The following MBNL3 variants were observed in gnomAD, a reference collection of about 807,000 sequenced individuals.
MBNL3 encodes the protein muscleblind like splicing regulator 3.
In MBNL3, 6 loss-of-function variants were observed where a neutral mutation model predicts 24.5. The observed-to-expected ratio is 0.25, with a 90% confidence interval of 0.13 to 0.48. The LOEUF (loss-of-function observed/expected upper bound fraction) is 0.48. MBNL3 is among the 20% of genes least tolerant of loss of function. The probability of loss-of-function intolerance (pLI) is 0.99; values close to 1 mark genes in which losing one functional copy is unlikely to be tolerated. For synonymous variants in MBNL3, 100 were observed against 101.7 expected (o/e 0.98, Z 0.10); for missense variants, 230 against 293.5 (o/e 0.78, Z 1.58).
At chrX:132,433,228 A>G (rs1371735295) in intron 2 of MBNL3, among the ~76,000 whole-genome samples, 1 of 111,935 alleles carries the variant, frequency 8.9e-6, no homozygotes, top group African/African-American at 3.3e-5. Context: ...GGCAACTGTA[A>G]TGCAGGACCC....
intron 1 of MBNL3, among the ~76,000 whole-genome samples, chrX:132,487,890 A>G: frequency 8.9e-6 from 1 of 112,161 alleles, no homozygotes; most frequent in Non-Finnish European, 1.9e-5. Context: ...AATTGTATCA[A>G]GCATGGATGT....
intron 2 of MBNL3, among the ~76,000 whole-genome samples, chrX:132,433,919 C>T (rs1377691686): frequency 8.9e-6 from 1 of 112,117 alleles, no homozygotes; most frequent in Non-Finnish European, 1.9e-5. Flanking sequence ...TCTTCACTGT[C>T]CCCTCATCTC....
In MBNL3 at chrX:132,378,895, CTT is replaced by C. The variant is rs1934392521; in HGVS notation, c.*769_*770del. 8.9e-6 allele frequency: 1 copy of C among 112,127 alleles called. No individual in the cohort carries two copies. The highest frequency in any genetic ancestry group is 3.2e-5 in the African/African-American group (1 of 30,888). 9.2% of individuals were successfully genotyped at this position (112,127 alleles called of 1,213,427 possible). ...GCTTTGTGCAGGTAATTATTTCTCT[CTT>C]TAAAAAATCTAGTAATTTGATTGTA... On this transcript the variant is annotated 3_prime_UTR_variant, in exon 9 of 9. Coordinates refer to ENST00000370853, the MANE Select transcript of MBNL3 (RefSeq NM_001386889.1).
At chrX:132,384,854 A>G (rs1935712024) in intron 6 of MBNL3, among the ~76,000 whole-genome samples, 156 bp from the exon 7 acceptor site, 1 of 112,257 alleles carries the variant, frequency 8.9e-6, no homozygotes, top group Non-Finnish European at 1.9e-5. Flanking sequence ...ACAATTACAG[A>G]TTAGTTTTAA....
intron 3 of MBNL3, among the ~76,000 whole-genome samples, chrX:132,401,000 C>T (rs1337678237): frequency 8.9e-6 from 1 of 111,807 alleles, no homozygotes; most frequent in East Asian, 2.8e-4. Flanking sequence ...AACTAAATGC[C>T]ATCATTCATC....
intron 1 of MBNL3, among the ~76,000 whole-genome samples, chrX:132,480,885 A>C (rs2148542914): frequency 8.9e-6 from 1 of 111,848 alleles, no homozygotes; most frequent in South Asian, 3.8e-4. Flanking sequence ...ACAAAGCTGC[A>C]CGTGTGGTGG....
intron 2 of MBNL3, among the ~76,000 whole-genome samples, chrX:132,424,509 T>G (rs1944116611): frequency 9.0e-6 from 1 of 111,607 alleles, no homozygotes; most frequent in African/African-American, 3.3e-5. Context: ...GCTATTCATT[T>G]TTGCTTCAAC....
At chrX:132,469,536 C>A (rs916276188) in intron 1 of MBNL3, among the ~76,000 whole-genome samples, 2 of 111,742 alleles carry the variant, frequency 1.8e-5, no homozygotes, top group Non-Finnish European at 3.8e-5. Context: ...TCAACTGTTC[C>A]CATAAAGAAC....
intron 1 of MBNL3, among the ~76,000 whole-genome samples, chrX:132,443,755 C>T (rs1351620447): frequency 3.6e-5 from 4 of 111,483 alleles, no homozygotes; most frequent in African/African-American, 1.3e-4. Flanking sequence ...TACTCTTAAA[C>T]GCACACTCAA....
chrX:132,436,879 G>A (rs974271636), intron 2 of MBNL3, among the ~76,000 whole-genome samples: 7 of 111,832 alleles, frequency 6.3e-5, no homozygotes, highest in Non-Finnish European at 1.3e-4. Context: ...GAGAATGTAA[G>A]GATTATGTAA....
Position 132,375,843 on chromosome X carries a change from C to T in MBNL3, c.*3823G>A, listed in dbSNP as rs888618220. On this transcript the variant is annotated 3_prime_UTR_variant, in exon 9 of 9. Transcript: ENST00000370853. ...CGGAAAACTTGTGGCTGCATTTTAC[C>T]TAAGAGCATCCTTATCTATACTCTG... 9.0e-6 allele frequency: 1 copy of T among 111,540 alleles called. No individual in the cohort carries two copies. The highest frequency in any genetic ancestry group is 1.9e-5 in the Non-Finnish European group (1 of 52,975). 9.2% of individuals were successfully genotyped at this position (111,540 alleles called of 1,213,427 possible).
intron 1 of MBNL3, among the ~76,000 whole-genome samples, chrX:132,451,842 G>A (rs769635898): frequency 1.9e-3 from 208 of 111,848 alleles, no homozygotes; most frequent in Non-Finnish European, 3.3e-3. Context: ...TGCAAAGACC[G>A]TGGAAAAAGC....
At chrX:132,489,210 C>T (rs929195999), upstream of MBNL3, among the ~76,000 whole-genome samples, 3 of 112,667 alleles carry the variant, frequency 2.7e-5, no homozygotes, top group Non-Finnish European at 5.6e-5. Context: ...CCCCCTCTCC[C>T]TTCGGCCCCC....
chrX:132,384,982 C>T (rs1026850590), intron 6 of MBNL3, among the ~76,000 whole-genome samples: 19 of 110,836 alleles, frequency 1.7e-4, no homozygotes, highest in African/African-American at 6.2e-4. Flanking sequence ...ACAAATACAT[C>T]CTAAATAATT....
intron 2 of MBNL3, among the ~76,000 whole-genome samples, chrX:132,425,556 CT>C (rs1475369751): frequency 9.0e-6 from 1 of 110,857 alleles, no homozygotes; most frequent in Non-Finnish European, 1.9e-5. Context: ...AACAAGAGTT[CT>C]TTATTAAACT....
chrX:132,485,636 A>G (rs1397362961), intron 1 of MBNL3, among the ~76,000 whole-genome samples: 1 of 112,214 alleles, frequency 8.9e-6, no homozygotes, highest in Non-Finnish European at 1.9e-5. Flanking sequence ...TAAGACCTAA[A>G]AGCCCACATT....
intron 1 of MBNL3, among the ~76,000 whole-genome samples, chrX:132,481,850 A>G (rs1030758980): frequency 1.8e-5 from 2 of 111,719 alleles, no homozygotes; most frequent in African/African-American, 6.5e-5. Flanking sequence ...GCGCATCTAT[A>G]TGAATTCCCC....
At chrX:132,420,543 T>C (rs1439620216) in intron 2 of MBNL3, among the ~76,000 whole-genome samples, 1 of 112,030 alleles carries the variant, frequency 8.9e-6, no homozygotes, top group Non-Finnish European at 1.9e-5. Context: ...CCTCCCTCTG[T>C]GCTCTCAGGC....
chrX:132,460,159 AAAAT>A (rs1373106493), intron 1 of MBNL3, among the ~76,000 whole-genome samples: 2 of 111,892 alleles, frequency 1.8e-5, no homozygotes, highest in African/African-American at 3.2e-5. Flanking sequence ...TTATATAATC[AAAAT>A]AAATAAAGGT....
Sources: allele counts gnomAD v4.1 joint callset (sites outside exome capture counted in the v4.1 genomes callset), GRCh38; gene constraint gnomAD v4.1.1; transcripts MANE v1.5; gene names NCBI Gene and HGNC (gene_info 2026-07-23, HGNC 2026-07-21).